Variants in NRG1 observed in about 807,000 individuals in gnomAD.
NRG1 encodes pro-neuregulin-1, membrane-bound isoform.
In NRG1, 18 loss-of-function variants were observed where a neutral mutation model predicts 63.8. That is an observed-to-expected ratio of 0.28 (90% CI 0.19 to 0.42). NRG1 has a LOEUF of 0.42. Ranked by LOEUF, NRG1 falls within the 10% of genes least tolerant of loss-of-function variation. The pLI, the probability that NRG1 is intolerant of heterozygous loss-of-function variation, is 1.00. For missense variants in NRG1, 762 were observed against 814.7 expected (o/e 0.94, Z 0.79); for synonymous variants, 302 against 301.3 (o/e 1.00, Z -0.02).
intron 1 of NRG1, among the ~76,000 whole-genome samples, chr8:32,040,499 A>G (rs1197577297): frequency 6.6e-6 from 1 of 151,738 alleles, no homozygotes; most frequent in Non-Finnish European, 1.5e-5. Context: ...GCTGTTAGTC[A>G]TTATATGTTA....
At chr8:31,779,650 C>T (rs1476446946) in intron 1 of NRG1, among the ~76,000 whole-genome samples, 1 of 152,124 alleles carries the variant, frequency 6.6e-6, no homozygotes, top group Non-Finnish European at 1.5e-5. Context: ...AAGTAAGATT[C>T]TGTCCTACAG....
intron 1 of NRG1, among the ~76,000 whole-genome samples, chr8:31,643,962 G>T (rs1804047102): frequency 6.6e-6 from 1 of 152,146 alleles, no homozygotes; most frequent in Non-Finnish European, 1.5e-5. Context: ...GTAGAATGAA[G>T]ATGTATACAT....
intron 1 of NRG1, among the ~76,000 whole-genome samples, chr8:31,768,337 T>C (rs1818280813): frequency 6.6e-6 from 1 of 152,182 alleles, no homozygotes; most frequent in Admixed American, 6.6e-5. Context: ...AGACCTGCAG[T>C]TTACACAACA....
intron 1 of NRG1, among the ~76,000 whole-genome samples, chr8:31,826,163 T>C (rs1342937336): frequency 6.6e-6 from 1 of 152,140 alleles, no homozygotes; most frequent in Non-Finnish European, 1.5e-5. Context: ...GGGTCTCAGG[T>C]CAATGGGATG....
chr8:31,709,724 T>C (rs1321503344), intron 1 of NRG1, among the ~76,000 whole-genome samples: 1 of 152,054 alleles, frequency 6.6e-6, no homozygotes, highest in East Asian at 1.9e-4. Context: ...CCAGATTAAA[T>C]TTATTTTGGC....
intron 1 of NRG1, among the ~76,000 whole-genome samples, chr8:32,535,787 C>T (rs991957625): frequency 4.6e-5 from 7 of 152,114 alleles, no homozygotes; most frequent in African/African-American, 9.7e-5. Context: ...ACCATGTCAG[C>T]GCACTTTTTG....
At chr8:32,090,239 C>T (rs4733109) in intron 1 of NRG1, among the ~76,000 whole-genome samples, 148,990 of 152,342 alleles carry the variant, frequency 0.98, 72,956 homozygotes, top group East Asian at 1. Context: ...CAGGAAATTA[C>T]AGTATTCTGT....
intron 1 of NRG1, among the ~76,000 whole-genome samples, chr8:32,094,127 G>A (rs993722510): frequency 1.3e-5 from 2 of 152,174 alleles, no homozygotes; most frequent in African/African-American, 4.8e-5. Context: ...AGTGAAAGAG[G>A]AACCGTTGGC....
intron 1 of NRG1, among the ~76,000 whole-genome samples, chr8:31,657,486 T>C (rs577262922): frequency 6.6e-4 from 101 of 152,308 alleles, no homozygotes; most frequent in Middle Eastern, 6.8e-3. Context: ...TGCAAATTCC[T>C]GGACTAGACT....
chr8:31,830,857 G>A (rs1825080658), intron 1 of NRG1, among the ~76,000 whole-genome samples: 1 of 152,094 alleles, frequency 6.6e-6, no homozygotes, highest in South Asian at 2.1e-4. Flanking sequence ...TGTGGATAGT[G>A]ATGGGATTTT....
At chr8:32,149,918 C>A (rs764410737) in intron 1 of NRG1, among the ~76,000 whole-genome samples, 2 of 152,146 alleles carry the variant, frequency 1.3e-5, no homozygotes, top group African/African-American at 4.8e-5. Flanking sequence ...AAGGATCAAT[C>A]AATACTGAGT....
chr8:32,110,848 G>A (rs572872608), intron 1 of NRG1, among the ~76,000 whole-genome samples: 6 of 152,084 alleles, frequency 3.9e-5, no homozygotes, highest in Non-Finnish European at 5.9e-5. Context: ...AGAATGATGC[G>A]GTTTCCCAAA....
At chr8:32,319,701 A>G (rs1801153654) in intron 1 of NRG1, among the ~76,000 whole-genome samples, 1 of 152,188 alleles carries the variant, frequency 6.6e-6, no homozygotes, top group Non-Finnish European at 1.5e-5. Flanking sequence ...TATGGAAATT[A>G]TTATACCAAG....
chr8:31,860,472 G>C (rs972450019), intron 1 of NRG1, among the ~76,000 whole-genome samples: 1 of 152,158 alleles, frequency 6.6e-6, no homozygotes, highest in African/African-American at 2.4e-5. Flanking sequence ...ATGTGAATCA[G>C]GTTTCAAACC....
At chr8:32,571,088 G>A (rs1484091859) in intron 1 of NRG1, among the ~76,000 whole-genome samples, 1 of 152,162 alleles carries the variant, frequency 6.6e-6, no homozygotes, top group African/African-American at 2.4e-5. Context: ...TGGGTTAAGA[G>A]GATTGAAGTT....
upstream of NRG1, chr8:32,548,185 G>A: frequency 1.0e-6 from 1 of 972,444 alleles, no homozygotes; most frequent in Non-Finnish European, 1.2e-6. Flanking sequence ...CGGGGTGGGG[G>A]TGTGGTGGGG....
chr8:32,048,037 A>G (rs561730681), intron 1 of NRG1, among the ~76,000 whole-genome samples: 25 of 152,100 alleles, frequency 1.6e-4, no homozygotes, highest in African/African-American at 5.8e-4. Context: ...ACTTAATACA[A>G]TGTCCTCCAG....
At chr8:32,700,377 TA>T (rs1272950197) in intron 5 of NRG1, among the ~76,000 whole-genome samples, 2 of 152,120 alleles carry the variant, frequency 1.3e-5, no homozygotes, top group Non-Finnish European at 2.9e-5. Flanking sequence ...ACAATTGATA[TA>T]AACAAAAAAA....
chr8:32,586,875 A>G (rs941828118), intron 1 of NRG1, among the ~76,000 whole-genome samples: 4 of 152,200 alleles, frequency 2.6e-5, no homozygotes, highest in Non-Finnish European at 4.4e-5. Flanking sequence ...AGCATCTTGT[A>G]GACCATGGTC....
Sources: allele counts gnomAD v4.1 joint callset (sites outside exome capture counted in the v4.1 genomes callset), GRCh38; gene constraint gnomAD v4.1.1; transcripts MANE v1.5; gene names NCBI Gene and HGNC (gene_info 2026-07-23, HGNC 2026-07-21).